Variants in PPCDC observed in about 807,000 individuals in gnomAD.
PPCDC encodes the protein phosphopantothenoylcysteine decarboxylase.
A neutral mutation model predicts 20.7 loss-of-function variants in PPCDC; 20 were observed. The ratio of observed to expected loss-of-function variants is 0.97; its 90% confidence interval spans 0.68 to 1.41. The LOEUF (loss-of-function observed/expected upper bound fraction) is 1.41. Ranked by LOEUF, PPCDC falls within the 40% of genes most tolerant of loss-of-function variation. PPCDC has a pLI of 0.00. For synonymous variants in PPCDC, 88 were observed against 100.3 expected, an observed-to-expected ratio of 0.88 and a Z score of 0.73; for missense variants, 246 against 263.8, an observed-to-expected ratio of 0.93 and a Z score of 0.47.
Position 75,028,315 on chromosome 15 carries a change from C to A in PPCDC, c.-4C>A. On this transcript the variant is annotated 5_prime_UTR_variant, in exon 2 of 6. Transcript: ENST00000342932. ...TCCCAGAACTTGAAGCCACCAGACC[C>A]CACATGGAACCAAAGGCCTCCTGTC... 6.2e-7 allele frequency: 1 copy of A among 1,613,968 alleles called. No homozygotes were observed. Among genetic ancestry groups the A allele is most frequent in the Admixed American group, 1.7e-5 (1 of 59,948 alleles).
intron 2 of PPCDC, among the ~76,000 whole-genome samples, chr15:75,029,014 C>T (rs183478947): frequency 2.0e-5 from 3 of 152,284 alleles, no homozygotes; most frequent in Admixed American, 1.3e-4. Flanking sequence ...CTCTAGCCCC[C>T]GTCCTTGGCC....
intron 1 of PPCDC, among the ~76,000 whole-genome samples, chr15:75,025,902 C>T (rs1344254553): frequency 1.3e-5 from 2 of 152,154 alleles, no homozygotes; most frequent in Non-Finnish European, 1.5e-5. Flanking sequence ...TTAAATGATC[C>T]ACTTTCTATT....
rs984247671 is a variant in PPCDC at position 75,029,762 on chromosome 15, G to T, written c.135+1309G>T. 2.0e-5 allele frequency among the ~76,000 whole-genome samples: 3 copies of T among 152,204 alleles called. No homozygotes were observed. The East Asian group carries it at 5.8e-4, about 29-fold the overall frequency. On this transcript the variant is annotated intron_variant, in intron 2 of 5. Coordinates refer to ENST00000342932, the MANE Select transcript of PPCDC (RefSeq NM_021823.5). The stretch of plus-strand genomic sequence containing the variant: ...TGGTAGGAGCTGCCCAGCTAGAGCC[G>T]TGAGGGTGGGAGGCCTCTGCCACCA...
At chr15:75,038,029 C>A (rs1197205689) in intron 2 of PPCDC, among the ~76,000 whole-genome samples, 5 of 152,078 alleles carry the variant, frequency 3.3e-5, no homozygotes, top group African/African-American at 9.7e-5. Context: ...CTTGTAAGTG[C>A]TAAGAAAAGC....
intron 4 of PPCDC, among the ~76,000 whole-genome samples, chr15:75,047,671 T>C (rs2066255775): frequency 6.6e-6 from 1 of 152,302 alleles, no homozygotes; most frequent in African/African-American, 2.4e-5. Context: ...CGCTCAGAGC[T>C]TTGTAGCCAT....
intron 2 of PPCDC, among the ~76,000 whole-genome samples, chr15:75,032,369 C>T (rs2066031681): frequency 6.6e-6 from 1 of 152,176 alleles, no homozygotes; most frequent in Non-Finnish European, 1.5e-5. Flanking sequence ...AAAGAAGGCT[C>T]TGCTCATATG....
At chr15:75,047,676 A>T (rs2066255808) in intron 4 of PPCDC, among the ~76,000 whole-genome samples, 2 of 152,182 alleles carry the variant, frequency 1.3e-5, no homozygotes. Flanking sequence ...AGAGCTTTGT[A>T]GCCATTCTCA....
intron 2 of PPCDC, among the ~76,000 whole-genome samples, chr15:75,034,122 AG>A (rs1250207477): frequency 6.6e-6 from 1 of 152,148 alleles, no homozygotes; most frequent in African/African-American, 2.4e-5. Context: ...ATGGGTCATA[AG>A]GGGAAACCAG....
intron 1 of PPCDC, among the ~76,000 whole-genome samples, chr15:75,026,193 A>C (rs753418064): frequency 6.6e-6 from 1 of 152,200 alleles, no homozygotes; most frequent in Non-Finnish European, 1.5e-5. Flanking sequence ...GCAGGAATCT[A>C]CCTATCCTAG....
chr15:75,039,356 G>A (rs1040715291), intron 2 of PPCDC, among the ~76,000 whole-genome samples: 2 of 152,150 alleles, frequency 1.3e-5, no homozygotes, highest in African/African-American at 4.8e-5. Context: ...GGTCAAGTAG[G>A]GGAAGCAGGC....
At position 75,028,182 on chromosome 15, in the gene PPCDC, C is replaced by A. The variant is rs1449227270; in HGVS notation, c.-72-65C>A. The A allele has an allele frequency of 2.6e-5, 31 of 1,201,410 alleles. No individual in the cohort carries two copies. In the South Asian group the frequency reaches 3.2e-4, roughly 13 times the overall value. 74.4% of individuals were successfully genotyped at this position (1,201,410 alleles called of 1,614,324 possible). A position where few individuals can be genotyped will look rare whatever the true frequency, so the allele number is the denominator to read the frequency against. On this transcript the variant is annotated intron_variant, in intron 1 of 5. Coordinates refer to ENST00000342932, the MANE Select transcript of PPCDC (RefSeq NM_021823.5). ...TCAGCCTCTGGCCTGGGGCCTAATACGTGGTGCTCCATACATTCTGGTCGA... is the reference window on the plus strand; with the variant it reads ...TCAGCCTCTGGCCTGGGGCCTAATAAGTGGTGCTCCATACATTCTGGTCGA...
At chr15:75,033,865 C>T (rs1474796652) in intron 2 of PPCDC, among the ~76,000 whole-genome samples, 2 of 152,130 alleles carry the variant, frequency 1.3e-5, no homozygotes, top group African/African-American at 4.8e-5. Flanking sequence ...CCCAGAACAA[C>T]GTTCCTGTGC....
chr15:75,034,006 C>T (rs1050405292), intron 2 of PPCDC, among the ~76,000 whole-genome samples: 5 of 152,146 alleles, frequency 3.3e-5, no homozygotes, highest in East Asian at 3.9e-4. Flanking sequence ...GATGAGAGCA[C>T]GACTGTTTCC....
Position 75,049,837 on chromosome 15 carries a change from A to C in PPCDC, c.*602A>C, listed in dbSNP as rs961755519. 6.6e-6 allele frequency: 1 copy of C among 152,470 alleles called. No homozygotes were observed. The highest frequency in any genetic ancestry group is 1.5e-5 in the Non-Finnish European group (1 of 68,300). 9.4% of individuals were successfully genotyped at this position (152,470 alleles called of 1,614,324 possible). On this transcript the variant is annotated 3_prime_UTR_variant, in exon 6 of 6. Coordinates refer to ENST00000342932, the MANE Select transcript of PPCDC (RefSeq NM_021823.5). ...GGGGAAGGGTCTGGGTTCACAACTC[A>C]CCGGCACTCTTTAGTCCCCGTATAA... is the stretch of plus-strand genomic sequence containing the variant.
At position 75,044,340 on chromosome 15, in the gene PPCDC, G is replaced by A. The variant is rs1377449573; in HGVS notation, c.232-46G>A. 3.7e-6 allele frequency: 6 copies of A among 1,605,294 alleles called. No individual in the cohort carries two copies. The African/African-American group carries it at 5.3e-5, about 14-fold the overall frequency. On this transcript the variant is annotated intron_variant, in intron 3 of 5. Coordinates refer to ENST00000342932, the MANE Select transcript of PPCDC (RefSeq NM_021823.5). ...ACCGTACCTGGCCTGCCTTGGCGCTGCATCCTGCTTCCTCCACACTGACCC... is the reference window on the plus strand; with the variant it reads ...ACCGTACCTGGCCTGCCTTGGCGCTACATCCTGCTTCCTCCACACTGACCC...
intron 2 of PPCDC, among the ~76,000 whole-genome samples, chr15:75,042,934 T>C (rs574269557): frequency 4.1e-4 from 62 of 152,372 alleles, no homozygotes; most frequent in Non-Finnish European, 8.2e-4. Flanking sequence ...GAAGGGATAC[T>C]GTCTGCTTTC....
intron 5 of PPCDC, 22 bp downstream of exon 5, chr15:75,048,743 T>C (rs755995603): frequency 1.3e-5 from 21 of 1,612,396 alleles, no homozygotes; most frequent in Non-Finnish European, 1.8e-5. Flanking sequence ...GCCAGGCTTA[T>C]AGCCCAGGGC....
chr15:75,043,371 G>A (rs2066178316), intron 2 of PPCDC, 70 bp from the exon 3 acceptor site: 2 of 1,377,730 alleles, frequency 1.5e-6, no homozygotes, highest in South Asian at 2.6e-5. Flanking sequence ...CCCTCCTGTG[G>A]CCTCCAGGCC....
chr15:75,047,435 C>T (rs941653867), intron 4 of PPCDC, among the ~76,000 whole-genome samples: 1 of 152,218 alleles, frequency 6.6e-6, no homozygotes, highest in Non-Finnish European at 1.5e-5. Flanking sequence ...CCTGTCGGGG[C>T]ATTGTTCTCT....
Sources: allele counts gnomAD v4.1 joint callset (sites outside exome capture counted in the v4.1 genomes callset), GRCh38; gene constraint gnomAD v4.1.1; transcripts MANE v1.5; gene names NCBI Gene and HGNC (gene_info 2026-07-23, HGNC 2026-07-21).